Variants in NALF1 observed in about 807,000 individuals in gnomAD.
The protein encoded by NALF1 is NALCN channel auxiliary factor 1.
Under a neutral mutation model 48.4 loss-of-function variants are expected in NALF1, and 3 were observed. That is an observed-to-expected ratio of 0.06 (90% CI 0.03 to 0.16). The LOEUF (loss-of-function observed/expected upper bound fraction) is 0.16, where lower values mean the gene tolerates loss of function less well. Among genes scored for constraint, NALF1 ranks in the 10% least tolerant of loss-of-function variants. NALF1 has a pLI of 1.00. For synonymous variants in NALF1, 262 were observed against 245.7 expected (o/e 1.07, Z -0.62); for missense variants, 526 against 571.5 (o/e 0.92, Z 0.81).
intron 1 of NALF1, among the ~76,000 whole-genome samples, chr13:107,713,646 T>C (rs1875666960): frequency 6.6e-6 from 1 of 152,230 alleles, no homozygotes; most frequent in Admixed American, 6.5e-5. Flanking sequence ...TTACCTCAAT[T>C]TGGCAACTCA....
intron 1 of NALF1, among the ~76,000 whole-genome samples, chr13:107,492,970 T>C (rs1356347041): frequency 1.3e-5 from 2 of 152,198 alleles, no homozygotes; most frequent in Admixed American, 1.3e-4. Context: ...TAAGAACAAG[T>C]GTGGCTGAAT....
At chr13:107,515,971 G>T (rs753857738) in intron 1 of NALF1, among the ~76,000 whole-genome samples, 18 of 152,174 alleles carry the variant, frequency 1.2e-4, no homozygotes, top group Non-Finnish European at 1.9e-4. Context: ...GATGATTCTG[G>T]GCTAAGTAGA....
chr13:107,413,791 A>G (rs1884035751), intron 1 of NALF1, among the ~76,000 whole-genome samples: 2 of 151,950 alleles, frequency 1.3e-5, no homozygotes, highest in Admixed American at 6.6e-5. Flanking sequence ...AATATTTTTA[A>G]TATTTTATTT....
In NALF1 at chr13:107,446,429, A is replaced by G. The variant is rs186274166; in HGVS notation, c.916-235674T>C. Among the ~76,000 whole-genome samples the G allele has an allele frequency of 2.2e-3, 332 of 150,968 alleles. 1 individual carries two copies. Among genetic ancestry groups the G allele is most frequent in the Non-Finnish European group, 3.5e-3 (238 of 67,930 alleles). On this transcript the variant is annotated intron_variant, in intron 1 of 2. Transcript: ENST00000375915. ...TTCACACACACACACACACACACAC[A>G]CACACATATTTTTACTAAATTGGAA...
intron 1 of NALF1, among the ~76,000 whole-genome samples, chr13:107,777,404 C>G (rs1478636802): frequency 2.0e-5 from 3 of 152,156 alleles, no homozygotes; most frequent in African/African-American, 7.2e-5. Context: ...CCAAATCTCA[C>G]GTTGAATTGC....
chr13:107,593,285 T>A (rs1348014724), intron 1 of NALF1, among the ~76,000 whole-genome samples: 1 of 151,926 alleles, frequency 6.6e-6, no homozygotes, highest in Admixed American at 6.6e-5. Context: ...AAGACTAGAA[T>A]TATTTACCTG....
At chr13:107,729,321 T>A (rs1876244193) in intron 1 of NALF1, among the ~76,000 whole-genome samples, 1 of 152,146 alleles carries the variant, frequency 6.6e-6, no homozygotes, top group Admixed American at 6.5e-5. Flanking sequence ...TAATACAAAA[T>A]TTGGCCTATT....
chr13:107,794,278 G>A (rs558661355), intron 1 of NALF1, among the ~76,000 whole-genome samples: 23 of 152,164 alleles, frequency 1.5e-4, no homozygotes, highest in Middle Eastern at 3.4e-3. Flanking sequence ...TCTCTAACTT[G>A]ACTTTTCCTT....
chr13:107,211,995 G>C (rs1879771914), intron 1 of NALF1, among the ~76,000 whole-genome samples: 1 of 152,160 alleles, frequency 6.6e-6, no homozygotes, highest in Admixed American at 6.5e-5. Flanking sequence ...CCCATGTTCT[G>C]TAGGGCTCCA....
chr13:107,835,831 C>T (rs1165255194), intron 1 of NALF1, among the ~76,000 whole-genome samples: 1 of 152,140 alleles, frequency 6.6e-6, no homozygotes. Flanking sequence ...CTGGAACATG[C>T]ACTCTGTGGT....
intron 1 of NALF1, among the ~76,000 whole-genome samples, chr13:107,578,747 T>C (rs1401352937): frequency 6.6e-6 from 1 of 152,214 alleles, no homozygotes; most frequent in Non-Finnish European, 1.5e-5. Flanking sequence ...GCTAATCTTC[T>C]AAGTAGCATC....
chr13:107,704,732 C>T (rs573908333), intron 1 of NALF1, among the ~76,000 whole-genome samples: 78 of 152,234 alleles, frequency 5.1e-4, no homozygotes, highest in African/African-American at 9.1e-4. Flanking sequence ...GGGAACCCCA[C>T]CTTTCAGTGT....
chr13:107,641,360 T>A (rs1388553700), intron 1 of NALF1, among the ~76,000 whole-genome samples: 3 of 152,064 alleles, frequency 2.0e-5, no homozygotes, highest in Non-Finnish European at 1.5e-5. Flanking sequence ...GAGACAACAG[T>A]TTGCAATAAT....
chr13:107,209,758 A>G (rs1013429457), intron 2 of NALF1, among the ~76,000 whole-genome samples: 5 of 152,156 alleles, frequency 3.3e-5, no homozygotes, highest in African/African-American at 1.2e-4. Flanking sequence ...ACACTTGAAA[A>G]CAAAACGTGC....
chr13:107,845,607 A>T (rs978429455), intron 1 of NALF1, among the ~76,000 whole-genome samples: 1 of 152,192 alleles, frequency 6.6e-6, no homozygotes, highest in Non-Finnish European at 1.5e-5. Flanking sequence ...GGATAACTTT[A>T]ACTCATGAAA....
chr13:107,771,976 C>G (rs183060219), intron 1 of NALF1, among the ~76,000 whole-genome samples: 1 of 152,238 alleles, frequency 6.6e-6, no homozygotes, highest in African/African-American at 2.4e-5. Flanking sequence ...ACCTCGTGAT[C>G]TGCCCGCCTC....
chr13:107,660,659 C>T (rs1880713982), intron 1 of NALF1, among the ~76,000 whole-genome samples: 1 of 151,882 alleles, frequency 6.6e-6, no homozygotes, highest in African/African-American at 2.4e-5. Flanking sequence ...TATCTTTAGG[C>T]CATTGAAAAA....
chr13:107,325,612 T>C (rs1183378516), intron 1 of NALF1, among the ~76,000 whole-genome samples: 1 of 151,440 alleles, frequency 6.6e-6, no homozygotes, highest in Non-Finnish European at 1.5e-5. Flanking sequence ...CTGAGGCGGG[T>C]AGATCACTTG....
At chr13:107,811,877 G>A (rs1410148321) in intron 1 of NALF1, among the ~76,000 whole-genome samples, 1 of 152,072 alleles carries the variant, frequency 6.6e-6, no homozygotes, top group Non-Finnish European at 1.5e-5. Flanking sequence ...CTAATACGAT[G>A]GGAATTAAGT....
Sources: gnomAD v4.1 joint callset for allele counts (sites outside exome capture counted in the v4.1 genomes callset) on GRCh38, gnomAD v4.1.1 for gene constraint, MANE v1.5 for transcripts, NCBI Gene and HGNC (gene_info 2026-07-23, HGNC 2026-07-21) for gene names.